ZFHX2: variants seen among roughly 807,000 people sequenced by gnomAD.
ZFHX2 encodes the protein zinc finger homeobox protein 2.
In ZFHX2, 75 loss-of-function variants were observed where a neutral mutation model predicts 164.8. The observed-to-expected ratio is 0.46, with a 90% CI of 0.38 to 0.55. ZFHX2 has a LOEUF of 0.55. ZFHX2 is among the 20% of genes least tolerant of loss of function. The pLI is 0.00. For missense variants in ZFHX2, 2,933 were observed against 3,308.0 expected, an observed-to-expected ratio of 0.89 and a Z score of 2.78; for synonymous variants, 1,217 against 1,351.4, an observed-to-expected ratio of 0.90 and a Z score of 2.18.
Position 23,522,906 on chromosome 14 carries a change from T to G in ZFHX2, c.6775A>C (p.Thr2259Pro). 6.8e-7 allele frequency: 1 copy of G among 1,466,382 alleles called. No individual in the cohort carries two copies. Among genetic ancestry groups the G allele is most frequent in the Non-Finnish European group, 9.0e-7 (1 of 1,112,648 alleles). 90.8% of individuals were successfully genotyped at this position (1,466,382 alleles called of 1,614,324 possible). A position where few individuals can be genotyped will look rare whatever the true frequency, so the allele number is the denominator to read the frequency against. Residue 2259 changes from threonine (T) to proline (P), a missense_variant, in exon 10 of 10, where the codon ACT (threonine) becomes CCT (proline). Coordinates refer to ENST00000419474, the MANE Select transcript of ZFHX2 (RefSeq NM_033400.3). ...ACTGTGGTGGTAGGCAGGACCGAAGTGGCGAGGCCGAGGAGGCCTGAGGAG... is the reference window on the plus strand; with the variant it reads ...ACTGTGGTGGTAGGCAGGACCGAAGGGGCGAGGCCGAGGAGGCCTGAGGAG... ...AASSGLLGLA[T>P]SVLPTTTVVQ...
chr14:23,554,407 C>T (rs1882189241), upstream of ZFHX2, among the ~76,000 whole-genome samples: 1 of 152,072 alleles, frequency 6.6e-6, no homozygotes, highest in South Asian at 2.1e-4. Flanking sequence ...CAGGGTCTTG[C>T]TCTGTTGCCG....
At chr14:23,527,901 CTTTTTTTTTTTTTTT>C (rs745574496) in intron 6 of ZFHX2, 97 bp from the exon 7 acceptor site, 30 of 448,794 alleles carry the variant, frequency 6.7e-5, no homozygotes, top group Non-Finnish European at 1.1e-4. Context: ...GCCCCCACTC[CTTTTTTTTTTTTTTT>C]TTTTTTTTTA....
At position 23,525,429 on chromosome 14, in the gene ZFHX2, G is replaced by A. The variant is rs1370496737; in HGVS notation, c.4513C>T (p.Arg1505Cys). 6 of 1,536,014 alleles carry A rather than the reference G, an allele frequency of 3.9e-6. No individual in the cohort carries two copies. Among genetic ancestry groups the A allele is most frequent in the Non-Finnish European group, 4.4e-6 (5 of 1,146,920 alleles). The change falls in exon 9 of 10, where the codon CGC becomes TGC. Residue 1505 changes from arginine (R) to cysteine (C), a missense_variant. Transcript: ENST00000419474. The surrounding 1 kb of genome is among the most constrained non-coding windows in gnomAD (Gnocchi z 5.9). Reference protein sequence around the residue: ...LKTHEEHVHRRFLPFEALSRY... With the variant: ...LKTHEEHVHRCFLPFEALSRY... The stretch of plus-strand genomic sequence containing the variant: ...CTCAGGGCTTCAAAGGGCAGAAAGC[G>A]GCGGTGGACATGTTCCTCGTGTGTC...
chr14:23,531,288 C>A, intron 4 of ZFHX2, 193 bp downstream of exon 4: 1 of 786,680 alleles, frequency 1.3e-6, no homozygotes, highest in Non-Finnish European at 1.7e-6. Context: ...CTTTGCCCCT[C>A]CACTCAAGGT....
At chr14:23,553,503 G>A (rs1166037122), upstream of ZFHX2, among the ~76,000 whole-genome samples, 1 of 151,950 alleles carries the variant, frequency 6.6e-6, no homozygotes, top group African/African-American at 2.4e-5. Context: ...GGAGGCTGAG[G>A]CAGAAGAATC....
upstream of ZFHX2, among the ~76,000 whole-genome samples, chr14:23,551,998 C>G (rs897737532): frequency 6.6e-6 from 1 of 152,230 alleles, no homozygotes; most frequent in Non-Finnish European, 1.5e-5. This position sits in a 1 kb window ranked among gnomAD's most constrained non-coding sequence, Gnocchi z 5.3. Flanking sequence ...CATCCTGTGG[C>G]CTGCAGAAAC....
In ZFHX2 at chr14:23,525,936, G is replaced by A; in HGVS notation, c.4006C>T (p.Pro1336Ser). ...PPPPLDLHRF[P>S]APLFTPPVLP... ...ACTGGTGGGGTGAAGAGAGGGGCTG[G>A]GAATCGGTGCAGGTCCAAGGGAGGT... Residue 1336 changes from proline (P) to serine (S), a missense_variant, in exon 9 of 10, where the codon CCA (proline) becomes TCA (serine). Coordinates refer to ENST00000419474, the MANE Select transcript of ZFHX2 (RefSeq NM_033400.3). The surrounding 1 kb of genome is among the most constrained non-coding windows in gnomAD (Gnocchi z 5.9). 6.8e-7 allele frequency: 1 copy of A among 1,477,728 alleles called. No individual in the cohort carries two copies. The highest frequency in any genetic ancestry group is 8.9e-7 in the Non-Finnish European group (1 of 1,117,376). 91.5% of individuals were successfully genotyped at this position (1,477,728 alleles called of 1,614,324 possible).
chr14:23,526,706 G>C (rs902113726), intron 8 of ZFHX2, 27 bp from the exon 9 acceptor site: 2 of 1,535,904 alleles, frequency 1.3e-6, no homozygotes, highest in Non-Finnish European at 1.7e-6. Flanking sequence ...AAAGTACAAT[G>C]AGGAGGGAAC....
intron 1 of ZFHX2, among the ~76,000 whole-genome samples, chr14:23,541,007 G>A (rs1305570380): frequency 6.6e-6 from 1 of 152,024 alleles, no homozygotes; most frequent in Non-Finnish European, 1.5e-5. Context: ...CCAGGTTCAA[G>A]TGATTCTCCC....
At chr14:23,554,927 C>A (rs1882238760), upstream of ZFHX2, among the ~76,000 whole-genome samples, 1 of 152,110 alleles carries the variant, frequency 6.6e-6, no homozygotes, top group South Asian at 2.1e-4. Flanking sequence ...AAGAAGGAAT[C>A]ATCTCTATTA....
chr14:23,548,625 C>T (rs180884055), intron 1 of ZFHX2, among the ~76,000 whole-genome samples: 12 of 152,264 alleles, frequency 7.9e-5, no homozygotes, highest in African/African-American at 2.4e-4. Flanking sequence ...TCTACTTTTT[C>T]ATCTCTTTGC....
rs371978845 is a variant in ZFHX2 at position 23,548,720 on chromosome 14, TTC to T, written c.-50+2621_-50+2622del. ...GCCAATGAAATGAATGCTCGTGAGG[TTC>T]TCTCTCTCTCTGTCTCTTCCCTGGA... On this transcript the variant is annotated intron_variant, in intron 1 of 9. Coordinates refer to ENST00000419474, the MANE Select transcript of ZFHX2 (RefSeq NM_033400.3). 7.9e-5 allele frequency among the ~76,000 whole-genome samples: 12 copies of T among 151,432 alleles called. No individual in the cohort carries two copies. In the South Asian group the frequency reaches 8.3e-4, roughly 11 times the overall value.
Position 23,525,909 on chromosome 14 carries a change from G to C in ZFHX2, c.4033C>G (p.Leu1345Val), listed in dbSNP as rs1878640224. The C allele has an allele frequency of 6.8e-7, 1 of 1,470,782 alleles. No individual in the cohort carries two copies. Among genetic ancestry groups the C allele is most frequent in the Non-Finnish European group, 9.0e-7 (1 of 1,115,002 alleles). The allele number at this position is 1,470,782 out of a possible 1,614,324, so 91.1% of individuals were successfully genotyped here. Residue 1345 changes from leucine to valine, a missense_variant, in exon 9 of 10, where the codon CTG becomes GTG. Leu to Val is a conservative substitution (Grantham distance 32, BLOSUM62 1). Transcript: ENST00000419474. The surrounding 1 kb of genome is among the most constrained non-coding windows in gnomAD (Gnocchi z 5.9). Reference sequence around the variant, plus strand: ...TCGGGCACCAGAGGGAAGGGGGGCAGGACTGGTGGGGTGAAGAGAGGGGCT... The same window carrying C: ...TCGGGCACCAGAGGGAAGGGGGGCACGACTGGTGGGGTGAAGAGAGGGGCT... ...FPAPLFTPPV[L>V]PPFPLVPESL...
At chr14:23,543,306 G>A (rs1299271400) in intron 1 of ZFHX2, 2 of 152,228 alleles carry the variant, frequency 1.3e-5, no homozygotes, top group African/African-American at 2.4e-5. Context: ...GATGGGTTAA[G>A]TAATTTTTAA....
Position 23,533,056 on chromosome 14 carries a change from G to A in ZFHX2, c.2070C>T (p.His690=), listed in dbSNP as rs1385625307. 47 of 1,533,500 alleles carry A rather than the reference G, an allele frequency of 3.1e-5. No homozygotes were observed. The highest frequency in any genetic ancestry group is 2.9e-4 in the East Asian group (12 of 40,848). 95.0% of individuals were successfully genotyped at this position (1,533,500 alleles called of 1,614,324 possible). ...SAPGSLSPDA[H]LPPSQLLGSS... ...AACCCAGGAGCTGACTTGGAGGCAGGTGGGCATCAGGGGATAGGCTTCCAG... is the reference window on the plus strand; with the variant it reads ...AACCCAGGAGCTGACTTGGAGGCAGATGGGCATCAGGGGATAGGCTTCCAG... The change falls in exon 3 of 10, where the codon CAC becomes CAT. Residue 690 remains histidine (H), a synonymous_variant. Coordinates refer to ENST00000419474, the MANE Select transcript of ZFHX2 (RefSeq NM_033400.3). The surrounding 1 kb of genome is among the most constrained non-coding windows in gnomAD (Gnocchi z 4.8).
intron 1 of ZFHX2, among the ~76,000 whole-genome samples, chr14:23,539,684 C>T (rs1880584007): frequency 6.6e-6 from 1 of 152,146 alleles, no homozygotes; most frequent in Admixed American, 6.5e-5. Flanking sequence ...CAAAGCTGAC[C>T]AGGGGTGCTT....
Position 23,532,577 on chromosome 14 carries a change from T to G in ZFHX2, c.2549A>C (p.Gln850Pro). 2 of 1,441,930 alleles carry G rather than the reference T, an allele frequency of 1.4e-6. No individual in the cohort carries two copies. The highest frequency in any genetic ancestry group is 1.8e-6 in the Non-Finnish European group (2 of 1,101,184). 89.3% of individuals were successfully genotyped at this position (1,441,930 alleles called of 1,614,324 possible). A position where few individuals can be genotyped will look rare whatever the true frequency, so the allele number is the denominator to read the frequency against. ...CTGACCCAGCCTCACCTTATAGATT[T>G]GGCTGTTTTCTTCGTGGGCTGCACC... ...ARGAAHEENS[Q>P]IYKFLLDMEG... The change falls in exon 3 of 10, where the codon CAA (glutamine) becomes CCA (proline). Residue 850 changes from glutamine to proline, a missense_variant. By Grantham distance (76) the Gln-to-Pro change is moderately conservative. Coordinates refer to ENST00000419474, the MANE Select transcript of ZFHX2 (RefSeq NM_033400.3).
upstream of ZFHX2, among the ~76,000 whole-genome samples, chr14:23,554,038 C>CAAAAAA: frequency 2.8e-5 from 1 of 36,038 alleles, no homozygotes; most frequent in Non-Finnish European, 6.0e-5. Flanking sequence ...GACTCTGTCT[C>CAAAAAA]AAAAAAAAAA....
At chr14:23,532,493 T>A (rs1025143488) in intron 3 of ZFHX2, 74 bp downstream of exon 3, 1 of 1,403,824 alleles carries the variant, frequency 7.1e-7, no homozygotes, top group African/African-American at 1.4e-5. Context: ...CCTATCACTT[T>A]CTTATTCTGC....
Sources: allele counts gnomAD v4.1 joint callset (sites outside exome capture counted in the v4.1 genomes callset), GRCh38; gene constraint gnomAD v4.1.1; non-coding constraint Gnocchi (gnomAD v3.1); transcripts MANE v1.5; gene names NCBI Gene and HGNC (gene_info 2026-07-23, HGNC 2026-07-21).